Variants in GLP2R observed in about 807,000 individuals in gnomAD.
GLP2R encodes glucagon like peptide 2 receptor.
A neutral mutation model predicts 68.2 loss-of-function variants in GLP2R; 59 were observed. The ratio of observed to expected loss-of-function variants is 0.87; its 90% CI spans 0.70 to 1.07. GLP2R has a LOEUF of 1.07. GLP2R is among the 50% of genes least tolerant of loss of function. The pLI, the probability that GLP2R is intolerant of heterozygous loss-of-function variation, is 0.00. For missense variants in GLP2R, 548 were observed against 677.4 expected (o/e 0.81, Z 2.12); for synonymous variants, 270 against 265.4 (o/e 1.02, Z -0.17).
chr17:9,882,833 T>C (rs1175649304), intron 11 of GLP2R, among the ~76,000 whole-genome samples: 1 of 152,130 alleles, frequency 6.6e-6, no homozygotes, highest in Non-Finnish European at 1.5e-5. Context: ...TAACTAGTAG[T>C]CCAGACAATT....
At chr17:9,876,857 C>T (rs2067146039) in intron 10 of GLP2R, among the ~76,000 whole-genome samples, 1 of 152,314 alleles carries the variant, frequency 6.6e-6, no homozygotes, top group East Asian at 1.9e-4. Context: ...GGGATGGCTT[C>T]TTTAAAAATA....
Position 9,885,772 on chromosome 17 carries a change from C to T in GLP2R, c.1285-2160C>T, listed in dbSNP as rs114830073. Among the ~76,000 whole-genome samples, 316 of 151,942 alleles carry T rather than the reference C, an allele frequency of 2.1e-3. 1 individual carries two copies. The highest frequency in any genetic ancestry group is 7.4e-3 in the African/African-American group (306 of 41,416). ...AGGAGTCACAAAGTCATCCTAGATT[C>T]GAGGGGAGAGAAAAACTAGGTCCAC... On this transcript the variant is annotated intron_variant, in intron 11 of 12. Transcript: ENST00000262441.
intron 10 of GLP2R, among the ~76,000 whole-genome samples, chr17:9,877,337 G>A (rs754247614): frequency 5.9e-5 from 9 of 152,280 alleles, no homozygotes; most frequent in South Asian, 2.1e-4. Context: ...ATAGTACTTC[G>A]TCTAAGGAGA....
chr17:9,852,060 GTT>G (rs961115603), intron 4 of GLP2R, among the ~76,000 whole-genome samples: 4 of 53,560 alleles, frequency 7.5e-5, no homozygotes, highest in African/African-American at 3.5e-4. Flanking sequence ...TTTTTTTTTT[GTT>G]TTTTTTTTTA....
intron 1 of GLP2R, among the ~76,000 whole-genome samples, chr17:9,832,346 G>A (rs1597375118): frequency 6.6e-6 from 1 of 152,076 alleles, no homozygotes; most frequent in African/African-American, 2.4e-5. Context: ...AGGCTGAGGA[G>A]GGCGGATCAC....
chr17:9,868,707 C>T (rs920537174), intron 9 of GLP2R, among the ~76,000 whole-genome samples: 9 of 152,166 alleles, frequency 5.9e-5, no homozygotes, highest in African/African-American at 1.9e-4. Flanking sequence ...CTCCTTCGTA[C>T]GTTCTATGGG....
chr17:9,870,924 C>T, intron 10 of GLP2R, 89 bp downstream of exon 10: 1 of 733,732 alleles, frequency 1.4e-6, no homozygotes, highest in Non-Finnish European at 2.5e-6. Context: ...GGACATTTAT[C>T]TCCTAAGGCC....
At chr17:9,871,721 CTTTTTTTTTTT>C (rs372099240) in intron 10 of GLP2R, among the ~76,000 whole-genome samples, 4 of 102,308 alleles carry the variant, frequency 3.9e-5, no homozygotes, top group East Asian at 3.0e-4. Context: ...TACTTTCTTT[CTTTTTTTTTTT>C]TTTTTTTTTT....
At chr17:9,875,516 A>C (rs182551248) in intron 10 of GLP2R, among the ~76,000 whole-genome samples, 2 of 152,340 alleles carry the variant, frequency 1.3e-5, no homozygotes, top group Admixed American at 1.3e-4. Context: ...TTTAAATTAA[A>C]CACATTTAGG....
At chr17:9,831,427 G>A (rs2066678557) in intron 1 of GLP2R, among the ~76,000 whole-genome samples, 1 of 152,082 alleles carries the variant, frequency 6.6e-6, no homozygotes, top group Non-Finnish European at 1.5e-5. Context: ...ATGGATAAGT[G>A]GCCCACCAAT....
In GLP2R at chr17:9,835,091, C is replaced by T. The variant is rs1196332028; in HGVS notation, c.277+1197C>T. The stretch of plus-strand genomic sequence containing the variant: ...GTTGCCAAGCTGGAGTGCAGTGGCG[C>T]GATCTCAGCTCACTACAACCTCCAA... On this transcript the variant is annotated intron_variant, in intron 2 of 12. Coordinates refer to ENST00000262441, the MANE Select transcript of GLP2R (RefSeq NM_004246.3). 4.2e-5 allele frequency among the ~76,000 whole-genome samples: 6 copies of T among 142,614 alleles called. No homozygotes were observed. The South Asian group carries it at 9.1e-4, about 22-fold the overall frequency. The allele number at this position is 142,614 out of a possible 152,430, so 93.6% of individuals were successfully genotyped here. A position where few individuals can be genotyped will look rare whatever the true frequency, so the allele number is the denominator to read the frequency against.
chr17:9,862,716 A>G (rs1014689485), intron 9 of GLP2R, among the ~76,000 whole-genome samples: 9 of 152,190 alleles, frequency 5.9e-5, no homozygotes, highest in African/African-American at 2.2e-4. Flanking sequence ...GAAAGTTAGC[A>G]AACACTGGGA....
intron 9 of GLP2R, among the ~76,000 whole-genome samples, chr17:9,864,294 A>T (rs2067013894): frequency 6.6e-6 from 1 of 152,160 alleles, no homozygotes; most frequent in African/African-American, 2.4e-5. Flanking sequence ...TCCCAGGCCT[A>T]CTGAATCCGA....
intron 11 of GLP2R, among the ~76,000 whole-genome samples, chr17:9,884,638 G>T (rs2067225961): frequency 6.6e-6 from 1 of 152,120 alleles, no homozygotes; most frequent in Admixed American, 6.5e-5. Flanking sequence ...CTCACCAAAG[G>T]CCGAGGAGCC....
rs3073988 is a variant in GLP2R at position 9,873,556 on chromosome 17, C to CTTTTTTTTTT, written c.1145+2735_1145+2744dup. Among the ~76,000 whole-genome samples, 29 of 52,056 alleles carry CTTTTTTTTTT rather than the reference C, an allele frequency of 5.6e-4. 7 individuals carry two copies. Among genetic ancestry groups the CTTTTTTTTTT allele is most frequent in the African/African-American group, 1.8e-3 (21 of 11,570 alleles). 34.2% of individuals were successfully genotyped at this position (52,056 alleles called of 152,430 possible). A position where few individuals can be genotyped will look rare whatever the true frequency, so the allele number is the denominator to read the frequency against. On this transcript the variant is annotated intron_variant, in intron 10 of 12. Transcript: ENST00000262441. ...GGATATCACAAAAACTATGCATGGACTTTTTTTTTTTTTTTTTTTTTTTAG... is the reference window on the plus strand; with the variant it reads ...GGATATCACAAAAACTATGCATGGACTTTTTTTTTTTTTTTTTTTTTTTTTTTTTTTTTAG...
intron 2 of GLP2R, among the ~76,000 whole-genome samples, chr17:9,834,123 G>A (rs889837859): frequency 1.3e-5 from 2 of 152,138 alleles, no homozygotes; most frequent in Non-Finnish European, 1.5e-5. Context: ...TGATGGTGGG[G>A]TCTCTAAGGG....
chr17:9,874,948 C>T (rs1367221575), intron 10 of GLP2R, among the ~76,000 whole-genome samples: 1 of 152,194 alleles, frequency 6.6e-6, no homozygotes, highest in Non-Finnish European at 1.5e-5. Flanking sequence ...CCTCCACAGA[C>T]TAGGGTGAGA....
intron 9 of GLP2R, chr17:9,866,097 G>A (rs1386688645): frequency 2.9e-6 from 1 of 339,528 alleles, no homozygotes; most frequent in Non-Finnish European, 5.7e-6. Context: ...GAATTTATGT[G>A]TCCCACCAGA....
intron 3 of GLP2R, among the ~76,000 whole-genome samples, chr17:9,841,297 G>A (rs2066784749): frequency 6.6e-6 from 1 of 151,694 alleles, no homozygotes; most frequent in African/African-American, 2.4e-5. Context: ...CAAAGTGCTG[G>A]GGTTACAGGC....
Sources: gnomAD v4.1 joint callset for allele counts (sites outside exome capture counted in the v4.1 genomes callset) on GRCh38, gnomAD v4.1.1 for gene constraint, MANE v1.5 for transcripts, NCBI Gene and HGNC (gene_info 2026-07-23, HGNC 2026-07-21) for gene names.